TRRAP: variants seen among roughly 807,000 people sequenced by gnomAD.
TRRAP encodes transformation/transcription domain-associated protein.
In TRRAP, 41 loss-of-function variants were observed where a neutral mutation model predicts 438.8. The observed-to-expected ratio is 0.09, with a 90% CI of 0.07 to 0.12. The LOEUF is 0.12. TRRAP is among the 10% of genes least tolerant of loss of function. TRRAP has a pLI of 1.00. For synonymous variants in TRRAP, 1,994 were observed against 1,962.9 expected (o/e 1.02, Z -0.42); for missense variants, 3,122 against 5,055.1 (o/e 0.62, Z 11.60).
At chr7:98,888,648 A>G (rs782676628) in intron 3 of TRRAP, among the ~76,000 whole-genome samples, 7 of 152,136 alleles carry the variant, frequency 4.6e-5, no homozygotes, top group Non-Finnish European at 1.0e-4. Context: ...GTGCCTTTGC[A>G]TGTGCTTTTC....
rs766142206 is a variant in TRRAP at position 99,011,232 on chromosome 7, C to T, written c.11119C>T (p.Pro3707Ser). 1 of 1,614,144 alleles carries T rather than the reference C, an allele frequency of 6.2e-7. No individual in the cohort carries two copies. Reference protein sequence around the residue: ...EFVLHLNRLNPEMLQIAQDTG... With the variant: ...EFVLHLNRLNSEMLQIAQDTG... ...CGTCCTGCATTTAAATAGACTCAAC[C>T]CCGAGATGTTACAGATCGCTCAGGT... The change falls in exon 71 of 73, where the codon CCC (proline) becomes TCC (serine). Residue 3707 changes from proline to serine, a missense_variant. Coordinates refer to ENST00000456197, the MANE Select transcript of TRRAP (RefSeq NM_001375524.1). This position sits in a 1 kb window ranked among gnomAD's most constrained non-coding sequence, Gnocchi z 7.1.
At position 98,956,224 on chromosome 7, in the gene TRRAP, A is replaced by G. The variant is rs1791599437; in HGVS notation, c.6016A>G (p.Thr2006Ala). The G allele has an allele frequency of 6.2e-7, 1 of 1,613,822 alleles. No individual in the cohort carries two copies. Among genetic ancestry groups the G allele is most frequent in the African/African-American group, 1.3e-5 (1 of 74,928 alleles). Reference protein sequence around the residue: ...MQRLGFTPSVTIEQRRLAVDL... With the variant: ...MQRLGFTPSVAIEQRRLAVDL... ...GAGGCTGGGCTTCACGCCCAGTGTC[A>G]CCATCGAGCAGAGGCGGCTGGCCGT... Residue 2006 changes from threonine to alanine, a missense_variant, in exon 42 of 73, where the codon ACC becomes GCC. Thr to Ala is a moderately conservative substitution (Grantham distance 58). This residue lies in a region of TRRAP where 992 missense variants were observed against 1,281.2 expected (regional missense o/e 0.77). Coordinates refer to ENST00000456197, the MANE Select transcript of TRRAP (RefSeq NM_001375524.1). This position sits in a 1 kb window ranked among gnomAD's most constrained non-coding sequence, Gnocchi z 4.5.
At chr7:98,961,120 G>T (rs1026099916) in intron 45 of TRRAP, 141 bp from the exon 46 acceptor site, 3 of 702,342 alleles carry the variant, frequency 4.3e-6, no homozygotes, top group African/African-American at 3.5e-5. Flanking sequence ...TGTGAAATAC[G>T]ATTGTCATTC....
chr7:98,921,769 T>C lies in TRRAP; in HGVS notation c.2639T>C (p.Leu880Ser). Residue 880 changes from leucine to serine, a missense_variant, in exon 21 of 73, where the codon TTA (leucine) becomes TCA (serine). Coordinates refer to ENST00000456197, the MANE Select transcript of TRRAP (RefSeq NM_001375524.1). Reference protein sequence around the residue: ...AELMQALWRTLRNPADSISHV... With the variant: ...AELMQALWRTSRNPADSISHV... ...GATTTTCAGGCTCTGTGGCGCACCTTACGCAACCCTGCTGACAGCATCTCC... is the reference window on the plus strand; with the variant it reads ...GATTTTCAGGCTCTGTGGCGCACCTCACGCAACCCTGCTGACAGCATCTCC... 2 of 1,614,168 alleles carry C rather than the reference T, an allele frequency of 1.2e-6. No homozygotes were observed. The highest frequency in any genetic ancestry group is 2.2e-5 in the East Asian group (1 of 44,890).
intron 66 of TRRAP, 140 bp downstream of exon 66, chr7:98,993,877 C>G (rs1226896620): frequency 2.5e-6 from 2 of 790,944 alleles, no homozygotes; most frequent in Middle Eastern, 3.0e-4. Context: ...ATGGACCAGG[C>G]AAATAGCTAT....
At chr7:98,921,402 T>G (rs1554410469) in intron 20 of TRRAP, among the ~76,000 whole-genome samples, 1 of 151,670 alleles carries the variant, frequency 6.6e-6, no homozygotes, top group Non-Finnish European at 1.5e-5. Flanking sequence ...TGACATGGAG[T>G]CTCGCCCTTG....
intron 44 of TRRAP, among the ~76,000 whole-genome samples, chr7:98,958,396 T>G (rs1791726461): frequency 6.6e-6 from 1 of 151,704 alleles, no homozygotes; most frequent in Non-Finnish European, 1.5e-5. Context: ...TCAACTCAGG[T>G]TCAAGCGATT....
chr7:98,948,738 G>GTC lies in TRRAP; in HGVS notation c.4788+54_4788+55dup. 1 of 1,612,574 alleles carries GTC rather than the reference G, an allele frequency of 6.2e-7. No homozygotes were observed. Among genetic ancestry groups the GTC allele is most frequent in the South Asian group, 1.1e-5 (1 of 90,976 alleles). On this transcript the variant is annotated intron_variant, in intron 35 of 72. Coordinates refer to ENST00000456197, the MANE Select transcript of TRRAP (RefSeq NM_001375524.1). The surrounding 1 kb of genome is among the most constrained non-coding windows in gnomAD (Gnocchi z 4.9). ...GGGTCCCTTCAAATGCTTGTGAGCT[G>GTC]TCGTGCTCTGAAATGTTCAGTTCAT...
chr7:98,923,084 C>T (rs1351565985), intron 21 of TRRAP, among the ~76,000 whole-genome samples: 2 of 152,196 alleles, frequency 1.3e-5, no homozygotes, highest in Non-Finnish European at 2.9e-5. Context: ...CCTCTCCAGC[C>T]TCAGGGTGGG....
In TRRAP at chr7:98,930,793, A is replaced by G; in HGVS notation, c.3554A>G (p.Lys1185Arg). 1.2e-6 allele frequency: 2 copies of G among 1,614,204 alleles called. No homozygotes were observed. The highest frequency in any genetic ancestry group is 2.2e-5 in the South Asian group (2 of 91,076). The part of the protein sequence containing the change: ...WVLQNQQTFL[K>R]ALLFVMMDLT... ...CTCCAGAACCAGCAGACATTCCTGAAAGCACTTCTCTTTGTCATGATGGAC... is the reference window on the plus strand; with the variant it reads ...CTCCAGAACCAGCAGACATTCCTGAGAGCACTTCTCTTTGTCATGATGGAC... Residue 1185 changes from lysine (K) to arginine (R), a missense_variant, in exon 25 of 73, where the codon AAA becomes AGA. Coordinates refer to ENST00000456197, the MANE Select transcript of TRRAP (RefSeq NM_001375524.1).
chr7:99,007,466 A>T (rs985156209), intron 69 of TRRAP, among the ~76,000 whole-genome samples: 2 of 152,088 alleles, frequency 1.3e-5, no homozygotes, highest in Non-Finnish European at 2.9e-5. Flanking sequence ...CTTCTGCCTC[A>T]GCCTCCCGAG....
chr7:99,009,445 C>T (rs1258362159), intron 70 of TRRAP, among the ~76,000 whole-genome samples: 1 of 152,168 alleles, frequency 6.6e-6, no homozygotes, highest in Non-Finnish European at 1.5e-5. Flanking sequence ...CCGAGGTATT[C>T]CAGGCTGCAG....
In TRRAP at chr7:98,958,005, C is replaced by G. The variant is rs369775505; in HGVS notation, c.6256C>G (p.Pro2086Ala). 5 of 1,614,156 alleles carry G rather than the reference C, an allele frequency of 3.1e-6. No individual in the cohort carries two copies. The highest frequency in any genetic ancestry group is 4.2e-6 in the Non-Finnish European group (5 of 1,180,024). Residue 2086 changes from proline (P) to alanine (A), a missense_variant, in exon 44 of 73, where the codon CCT becomes GCT. Physicochemically the swap from Pro to Ala is conservative, Grantham distance 27. Transcript: ENST00000456197. ...GGTCTTTGGGAGGAGCCAGTCGCTA[C>G]CTGGAGCAGACTCTCTCCTCGCCAA... is the stretch of plus-strand genomic sequence containing the variant. The part of the protein sequence containing the change: ...SAVFGRSQSL[P>A]GADSLLAKPI...
Position 98,895,767 on chromosome 7 carries a change from C to T in TRRAP, c.454C>T (p.His152Tyr). Residue 152 changes from histidine (H) to tyrosine (Y), a missense_variant, in exon 7 of 73, where the codon CAT becomes TAT. By Grantham distance (83) the His-to-Tyr change is moderately conservative. Transcript: ENST00000456197. ...QFRPPITQEI[H>Y]HFLDFVKQIY... ...CGAAAGTGTCTGCTTTTTTTAGATTCATCATTTTCTGGATTTTGTGAAACA... is the reference window on the plus strand; with the variant it reads ...CGAAAGTGTCTGCTTTTTTTAGATTTATCATTTTCTGGATTTTGTGAAACA... 6.2e-7 allele frequency: 1 copy of T among 1,600,514 alleles called. No homozygotes were observed. The highest frequency in any genetic ancestry group is 8.5e-7 in the Non-Finnish European group (1 of 1,174,172).
intron 67 of TRRAP, among the ~76,000 whole-genome samples, chr7:99,002,723 GA>G (rs956156582): frequency 6.6e-6 from 1 of 150,542 alleles, no homozygotes; most frequent in East Asian, 1.9e-4. Context: ...CAAGTGCTAT[GA>G]AAAAAAAACA....
Position 98,879,391 on chromosome 7 carries a change from C to A in TRRAP, c.-62+754C>A, listed in dbSNP as rs376441321. Among the ~76,000 whole-genome samples, 24 of 152,114 alleles carry A rather than the reference C, an allele frequency of 1.6e-4. No individual in the cohort carries two copies. The East Asian group carries it at 3.1e-3, about 20-fold the overall frequency. On this transcript the variant is annotated intron_variant, in intron 1 of 72. Coordinates refer to ENST00000456197, the MANE Select transcript of TRRAP (RefSeq NM_001375524.1). ...TTCTTAGGCAGGGAGAGGCCGTGAC[C>A]CCGAGTCTTGGGTCCCCTGGGATGG...
chr7:99,009,792 G>A (rs1212566746), intron 70 of TRRAP, among the ~76,000 whole-genome samples: 5 of 152,160 alleles, frequency 3.3e-5, no homozygotes, highest in African/African-American at 1.2e-4. Flanking sequence ...TAGGCAGAGG[G>A]AGATGCCCAC....
chr7:98,903,507 G>A lies in TRRAP; in HGVS notation c.1026G>A (p.Glu342=), dbSNP rs1554407044. ...CTGCCAAACACATCCTCACCACAGA[G>A]CTGAGAAACCGTACGTCCAGCCTGT... ...LIAAKHILTT[E]LRNQFIPCMD... is the part of the protein sequence containing the mutation. Residue 342 remains glutamate, a synonymous_variant, in exon 12 of 73, where the codon GAG becomes GAA. Coordinates refer to ENST00000456197, the MANE Select transcript of TRRAP (RefSeq NM_001375524.1). 1.2e-6 allele frequency: 2 copies of A among 1,614,104 alleles called. No individual in the cohort carries two copies. Among genetic ancestry groups the A allele is most frequent in the Non-Finnish European group, 8.5e-7 (1 of 1,180,020 alleles).
chr7:98,895,879 A>G (rs782790331), intron 7 of TRRAP, 59 bp downstream of exon 7: 143 of 1,395,430 alleles, frequency 1.0e-4, no homozygotes, highest in Middle Eastern at 3.6e-4. Context: ...TATTCCAAAA[A>G]GACTTTAGAA....
Sources: gnomAD v4.1 joint callset for allele counts (sites outside exome capture counted in the v4.1 genomes callset) on GRCh38, gnomAD v4.1.1 for gene constraint, gnomAD v4.1.1 regional missense constraint, Gnocchi (gnomAD v3.1) non-coding constraint, MANE v1.5 for transcripts, NCBI Gene and HGNC (gene_info 2026-07-23, HGNC 2026-07-21) for gene names.